Variants in CRYBG1 observed in about 807,000 individuals in gnomAD.
CRYBG1 encodes the protein crystallin beta-gamma domain containing 1, also known as beta/gamma crystallin domain-containing protein 1.
A neutral mutation model predicts 189.2 loss-of-function variants in CRYBG1; 139 were observed. The ratio of observed to expected loss-of-function variants is 0.73; its 90% CI spans 0.64 to 0.85. The LOEUF is 0.85. Among genes scored for constraint, CRYBG1 ranks in the 40% least tolerant of loss-of-function variants. The pLI, the probability that CRYBG1 is intolerant of heterozygous loss-of-function variation, is 0.00. For synonymous variants in CRYBG1, 1,023 were observed against 1,017.1 expected (o/e 1.01, Z -0.11); for missense variants, 2,611 against 2,675.8 (o/e 0.98, Z 0.53).
intron 2 of CRYBG1, among the ~76,000 whole-genome samples, chr6:106,497,087 A>T (rs1428694074): frequency 1.3e-5 from 2 of 152,174 alleles, no homozygotes; most frequent in Non-Finnish European, 2.9e-5. Context: ...CAAAACCGAA[A>T]GAGCAGGAAA....
intron 1 of CRYBG1, among the ~76,000 whole-genome samples, chr6:106,427,722 A>T (rs1431342397): frequency 1.3e-5 from 2 of 151,868 alleles, no homozygotes; most frequent in African/African-American, 4.8e-5. Context: ...TTCTTGAAAA[A>T]CCTAAATGTG....
At chr6:106,467,471 CAAAGAAAAGAAA>C (rs1356574131) in intron 2 of CRYBG1, among the ~76,000 whole-genome samples, 1 of 150,172 alleles carries the variant, frequency 6.7e-6, no homozygotes, top group Non-Finnish European at 1.5e-5. Context: ...GACCCTGTCT[CAAAGAAAAGAAA>C]AAAGAAAAGA....
intron 1 of CRYBG1, among the ~76,000 whole-genome samples, chr6:106,402,998 C>T (rs1260480204): frequency 2.0e-5 from 3 of 152,148 alleles, no homozygotes; most frequent in Non-Finnish European, 4.4e-5. Flanking sequence ...AGAACATTAA[C>T]GCACAGCAGC....
In CRYBG1 at chr6:106,460,226, C is replaced by G. The variant is rs1043148423; in HGVS notation, c.312+8394C>G. Among the ~76,000 whole-genome samples the G allele has an allele frequency of 2.4e-4, 37 of 151,980 alleles. No individual in the cohort carries two copies. The East Asian group carries it at 4.6e-3, about 19-fold the overall frequency. ...CAGGATGGTCTTGATCTCCTGACCT[C>G]GTGATCCGCCCGCCTCTGCCTCCCA... On this transcript the variant is annotated intron_variant, in intron 2 of 21. Coordinates refer to ENST00000633556, the MANE Select transcript of CRYBG1 (RefSeq NM_001371242.2).
chr6:106,514,627 A>G (rs1773377832), intron 3 of CRYBG1, among the ~76,000 whole-genome samples: 1 of 152,218 alleles, frequency 6.6e-6, no homozygotes, highest in Admixed American at 6.5e-5. Context: ...TGTGAGCCTT[A>G]GAGAAACATT....
intron 2 of CRYBG1, among the ~76,000 whole-genome samples, chr6:106,475,255 C>A (rs918901187): frequency 1.3e-5 from 2 of 152,138 alleles, no homozygotes; most frequent in African/African-American, 4.8e-5. Flanking sequence ...TGTGTTTGAG[C>A]CACAGAGGGC....
At chr6:106,450,531 G>A (rs1324112056) in intron 1 of CRYBG1, among the ~76,000 whole-genome samples, 2 of 152,212 alleles carry the variant, frequency 1.3e-5, no homozygotes, top group African/African-American at 4.8e-5. Flanking sequence ...CAGGTATGAT[G>A]CTCAACTGCA....
chr6:106,492,129 C>G (rs1021243209), intron 2 of CRYBG1, among the ~76,000 whole-genome samples: 2 of 152,172 alleles, frequency 1.3e-5, no homozygotes, highest in Non-Finnish European at 2.9e-5. Context: ...ACTCTTAAAG[C>G]ATTACGCATA....
chr6:106,406,891 A>G (rs1185408525), intron 1 of CRYBG1, among the ~76,000 whole-genome samples: 1 of 152,262 alleles, frequency 6.6e-6, no homozygotes. Context: ...GAAGCACTAA[A>G]TATGGAAAAG....
chr6:106,453,106 C>T (rs137913508), intron 2 of CRYBG1, among the ~76,000 whole-genome samples: 25 of 152,140 alleles, frequency 1.6e-4, no homozygotes, highest in East Asian at 1.4e-3. Flanking sequence ...CTTAAACTAC[C>T]GTTAGTGTAG....
chr6:106,531,288 C>A (rs142029891), intron 8 of CRYBG1, among the ~76,000 whole-genome samples: 110 of 152,270 alleles, frequency 7.2e-4, no homozygotes, highest in African/African-American at 2.6e-3. Flanking sequence ...GATTTTTGAT[C>A]CTCAGAAATG....
chr6:106,496,745 G>C (rs865794969), intron 2 of CRYBG1, among the ~76,000 whole-genome samples: 2 of 152,224 alleles, frequency 1.3e-5, no homozygotes, highest in Non-Finnish European at 2.9e-5. Flanking sequence ...TTTGAAGGTT[G>C]TTTGTCTCTT....
Position 106,571,944 on chromosome 6 carries a change from C to T in CRYBG1, c.*3378C>T. The T allele has an allele frequency of 7.2e-7, 1 of 1,387,940 alleles. No homozygotes were observed. The allele number at this position is 1,387,940 out of a possible 1,614,324, so 86.0% of individuals were successfully genotyped here. ...GGATGGCTAGAAAAAAATTTGGGCT[C>T]ACAGGCACTCACCAAATAAGAACGT... On this transcript the variant is annotated 3_prime_UTR_variant, in exon 22 of 22. Transcript: ENST00000633556.
chr6:106,450,926 A>G (rs368471563), intron 1 of CRYBG1, among the ~76,000 whole-genome samples: 2 of 152,252 alleles, frequency 1.3e-5, no homozygotes, highest in African/African-American at 4.8e-5. Context: ...TAACATAAGC[A>G]AGACAGTTAC....
chr6:106,435,645 A>G (rs1771440288), intron 1 of CRYBG1, among the ~76,000 whole-genome samples: 1 of 152,148 alleles, frequency 6.6e-6, no homozygotes, highest in Non-Finnish European at 1.5e-5. Context: ...GCTGTCACTC[A>G]GGCTGGAGTG....
chr6:106,370,727 AT>A (rs557485374), intron 1 of CRYBG1, among the ~76,000 whole-genome samples: 102 of 152,040 alleles, frequency 6.7e-4, no homozygotes, highest in African/African-American at 2.2e-3. Context: ...AGATTTTCTG[AT>A]TTTTTCTTAG....
intron 8 of CRYBG1, among the ~76,000 whole-genome samples, chr6:106,530,611 T>C (rs1044683882): frequency 6.6e-6 from 1 of 152,116 alleles, no homozygotes; most frequent in Non-Finnish European, 1.5e-5. Context: ...AGTAGCAGAT[T>C]ATATTTTCAT....
chr6:106,472,201 T>C, intron 2 of CRYBG1, among the ~76,000 whole-genome samples: 1 of 152,162 alleles, frequency 6.6e-6, no homozygotes, highest in East Asian at 1.9e-4. Context: ...GCTATTAGAG[T>C]AGGAACTGAT....
intron 17 of CRYBG1, among the ~76,000 whole-genome samples, chr6:106,557,755 C>T (rs1411025436): frequency 1.3e-5 from 2 of 152,172 alleles, no homozygotes; most frequent in African/African-American, 4.8e-5. Context: ...TTTAATGCAT[C>T]ATTTATGATC....
Sources: allele counts gnomAD v4.1 joint callset (sites outside exome capture counted in the v4.1 genomes callset), GRCh38; gene constraint gnomAD v4.1.1; transcripts MANE v1.5; gene names NCBI Gene and HGNC (gene_info 2026-07-23, HGNC 2026-07-21).